Variants in UBL3 observed in about 807,000 individuals in gnomAD.
UBL3 encodes ubiquitin like 3, also known as ubiquitin-like protein 3.
A neutral mutation model predicts 18.4 loss-of-function variants in UBL3; 6 were observed. That is an observed-to-expected ratio of 0.33 (90% CI 0.18 to 0.64). The LOEUF is 0.64. UBL3 is among the 30% of genes least tolerant of loss of function. The pLI, the probability that UBL3 is intolerant of heterozygous loss-of-function variation, is 0.76. For missense variants in UBL3, 109 were observed against 142.9 expected, an observed-to-expected ratio of 0.76 and a Z score of 1.21; for synonymous variants, 49 against 46.6, an observed-to-expected ratio of 1.05 and a Z score of -0.21.
chr13:29,821,655 G>GT (rs1372387992), intron 1 of UBL3, among the ~76,000 whole-genome samples: 3 of 152,090 alleles, frequency 2.0e-5, no homozygotes, highest in Non-Finnish European at 4.4e-5. Context: ...CATTACATAC[G>GT]TACTCCACAG....
chr13:29,767,292 T>C lies in UBL3; in HGVS notation c.317A>G (p.Glu106Gly). 2 of 1,613,232 alleles carry C rather than the reference T, an allele frequency of 1.2e-6. No homozygotes were observed. Among genetic ancestry groups the C allele is most frequent in the Non-Finnish European group, 1.7e-6 (2 of 1,179,362 alleles). ...EPNSQGQRNREKTGESNCCVI... is the reference protein window; with the variant it reads ...EPNSQGQRNRGKTGESNCCVI... The stretch of plus-strand genomic sequence containing the variant: ...ACAACAATTACTCTCTCCAGTCTTC[T>C]CACGATTCCTCTGACCTAGGGAAAA... Residue 106 changes from glutamate (E) to glycine (G), a missense_variant, in exon 5 of 5, where the codon GAG (glutamate) becomes GGG (glycine). By Grantham distance (98) the Glu-to-Gly change is moderately conservative. Coordinates refer to ENST00000380680, the MANE Select transcript of UBL3 (RefSeq NM_007106.4).
chr13:29,850,350 G>A lies in UBL3; in HGVS notation c.-812C>T, dbSNP rs552459052. 713 of 153,526 alleles carry A rather than the reference G, an allele frequency of 4.6e-3. 3 individuals are homozygous for A. Among genetic ancestry groups the A allele is most frequent in the Non-Finnish European group, 7.9e-3 (538 of 68,410 alleles). 9.5% of individuals were successfully genotyped at this position (153,526 alleles called of 1,614,324 possible). On this transcript the variant is annotated 5_prime_UTR_variant, in exon 1 of 5. Transcript: ENST00000380680. Reference sequence around the variant, plus strand: ...TCCTCGCCACTCCTCTTCTGCCTCCGCCTTCCCCGCCGCCGCCTCCCCGGT... The same window carrying A: ...TCCTCGCCACTCCTCTTCTGCCTCCACCTTCCCCGCCGCCGCCTCCCCGGT...
At chr13:29,844,632 C>T (rs926564856) in intron 1 of UBL3, among the ~76,000 whole-genome samples, 4 of 152,108 alleles carry the variant, frequency 2.6e-5, no homozygotes, top group African/African-American at 7.2e-5. Context: ...TTTACTGGTT[C>T]GGAATGACTT....
intron 1 of UBL3, among the ~76,000 whole-genome samples, chr13:29,811,520 T>A (rs903168941): frequency 6.6e-6 from 1 of 152,078 alleles, no homozygotes; most frequent in Non-Finnish European, 1.5e-5. Context: ...TTTAATCCTA[T>A]GCTGCAAAGA....
intron 1 of UBL3, among the ~76,000 whole-genome samples, chr13:29,806,156 G>A (rs928567210): frequency 6.6e-6 from 1 of 152,084 alleles, no homozygotes; most frequent in Admixed American, 6.5e-5. Context: ...CAGCCTGGGT[G>A]ACAGATCAAC....
In UBL3 at chr13:29,764,753, A is replaced by T. The variant is rs1197909343; in HGVS notation, c.*2502T>A. 6.6e-6 allele frequency: 1 copy of T among 152,230 alleles called. No individual in the cohort carries two copies. The highest frequency in any genetic ancestry group is 1.5e-5 in the Non-Finnish European group (1 of 68,048). 9.4% of individuals were successfully genotyped at this position (152,230 alleles called of 1,614,324 possible). The stretch of plus-strand genomic sequence containing the variant: ...CGTTAGGCAGGGACATAGGCTCATC[A>T]TTCAGGCTTTATGTACATTACTGGA... On this transcript the variant is annotated 3_prime_UTR_variant, in exon 5 of 5. Transcript: ENST00000380680.
At chr13:29,772,577 C>T (rs1876873068) in intron 2 of UBL3, among the ~76,000 whole-genome samples, 2 of 151,820 alleles carry the variant, frequency 1.3e-5, no homozygotes, top group East Asian at 1.9e-4. Context: ...AATATTTGTA[C>T]CTGTTAAAAT....
chr13:29,834,013 C>A (rs1039713446), intron 1 of UBL3, among the ~76,000 whole-genome samples: 2 of 152,038 alleles, frequency 1.3e-5, no homozygotes. Flanking sequence ...TGGTGAAACC[C>A]CGTCTGTACT....
intron 1 of UBL3, among the ~76,000 whole-genome samples, chr13:29,790,492 C>T (rs1161909121): frequency 6.6e-6 from 1 of 152,154 alleles, no homozygotes; most frequent in Admixed American, 6.6e-5. Context: ...AATTTAACTC[C>T]TTACTTCTTA....
At chr13:29,815,310 G>A (rs1406909296) in intron 1 of UBL3, among the ~76,000 whole-genome samples, 1 of 152,044 alleles carries the variant, frequency 6.6e-6, no homozygotes, top group African/African-American at 2.4e-5. Flanking sequence ...GTGGGGGGGA[G>A]AAATATCTCA....
chr13:29,847,083 T>C (rs994798968), intron 1 of UBL3, among the ~76,000 whole-genome samples: 3 of 152,226 alleles, frequency 2.0e-5, no homozygotes, highest in African/African-American at 4.8e-5. Flanking sequence ...AATCGACAAC[T>C]TCTAACCAGT....
Position 29,767,211 on chromosome 13 carries a change from A to T in UBL3, c.*44T>A, listed in dbSNP as rs1399029828. ...GTCGGGTCTTTTCTGTCCCAGCAGCATGAAAGACAAAGACTATATCACATC... is the reference window on the plus strand; with the variant it reads ...GTCGGGTCTTTTCTGTCCCAGCAGCTTGAAAGACAAAGACTATATCACATC... On this transcript the variant is annotated 3_prime_UTR_variant, in exon 5 of 5. Transcript: ENST00000380680. 5 of 1,607,714 alleles carry T rather than the reference A, an allele frequency of 3.1e-6. No homozygotes were observed. In the South Asian group the frequency reaches 4.4e-5, roughly 14 times the overall value.
chr13:29,795,398 G>A (rs1187683384), intron 1 of UBL3, among the ~76,000 whole-genome samples: 1 of 151,740 alleles, frequency 6.6e-6, no homozygotes, highest in Admixed American at 6.6e-5. Context: ...GCAGTACATA[G>A]TAGTAACATT....
intron 1 of UBL3, among the ~76,000 whole-genome samples, chr13:29,842,029 C>T (rs1413093885): frequency 6.6e-6 from 1 of 152,114 alleles, no homozygotes; most frequent in East Asian, 1.9e-4. Context: ...TGCTGAAAGA[C>T]CCAATTACTA....
At chr13:29,775,709 G>A (rs780132353) in intron 2 of UBL3, among the ~76,000 whole-genome samples, 3 of 151,976 alleles carry the variant, frequency 2.0e-5, no homozygotes, top group African/African-American at 4.8e-5. Context: ...TCTGCCTCTC[G>A]GGTTCAAGAG....
Position 29,764,807 on chromosome 13 carries a change from G to A in UBL3, c.*2448C>T, listed in dbSNP as rs1169743171. On this transcript the variant is annotated 3_prime_UTR_variant, in exon 5 of 5. Coordinates refer to ENST00000380680, the MANE Select transcript of UBL3 (RefSeq NM_007106.4). ...ATGCAGCTCTCACCTTTAGATAAGT[G>A]AGCTATATTTTTGGCAGAGGGATCT... 6.6e-6 allele frequency: 1 copy of A among 152,102 alleles called. No individual in the cohort carries two copies. The highest frequency in any genetic ancestry group is 2.4e-5 in the African/African-American group (1 of 41,424). 9.4% of individuals were successfully genotyped at this position (152,102 alleles called of 1,614,324 possible).
At chr13:29,838,782 A>C (rs2139366382) in intron 1 of UBL3, among the ~76,000 whole-genome samples, 1 of 152,310 alleles carries the variant, frequency 6.6e-6, no homozygotes, top group South Asian at 2.1e-4. Flanking sequence ...GTAAATTCAA[A>C]CCCAAATAAT....
chr13:29,834,251 A>T (rs987298798), intron 1 of UBL3, among the ~76,000 whole-genome samples: 1 of 152,130 alleles, frequency 6.6e-6, no homozygotes, highest in African/African-American at 2.4e-5. Context: ...TAATCATAAA[A>T]ATGATACCTA....
intron 1 of UBL3, 35 bp downstream of exon 1, chr13:29,849,477 A>C (rs559420598): frequency 1.2e-6 from 2 of 1,613,972 alleles, no homozygotes; most frequent in South Asian, 2.2e-5. Flanking sequence ...TGGAAACCAC[A>C]ATTAAATCAG....
Sources: allele counts gnomAD v4.1 joint callset (sites outside exome capture counted in the v4.1 genomes callset), GRCh38; gene constraint gnomAD v4.1.1; transcripts MANE v1.5; gene names NCBI Gene and HGNC (gene_info 2026-07-23, HGNC 2026-07-21).